The following NIBAN3 variants were observed in gnomAD, a reference collection of about 807,000 sequenced individuals.
The protein encoded by NIBAN3 is niban apoptosis regulator 3.
In NIBAN3, 66 loss-of-function variants were observed where a neutral mutation model predicts 76.4. The observed-to-expected ratio is 0.86, with a 90% CI of 0.71 to 1.06. The LOEUF is 1.06. NIBAN3 is among the 50% of genes least tolerant of loss of function. The pLI is 0.00. For missense variants in NIBAN3, 808 were observed against 810.7 expected (o/e 1.00, Z 0.04); for synonymous variants, 360 against 355.2 (o/e 1.01, Z -0.15).
chr19:17,538,730 GCAAGAAAGAAAGAA>G (rs1568451391), intron 5 of NIBAN3, among the ~76,000 whole-genome samples: 8 of 62,534 alleles, frequency 1.3e-4, no homozygotes, highest in Non-Finnish European at 2.1e-4. Flanking sequence ...AAGAAAGAAA[GCAAGAAAGAAAGAA>G]AGAGAAAGAA....
At chr19:17,525,490 G>C (rs994883099), upstream of NIBAN3, among the ~76,000 whole-genome samples, 7 of 152,214 alleles carry the variant, frequency 4.6e-5, no homozygotes, top group Admixed American at 3.3e-4. Context: ...GGGACATAAA[G>C]GTCGCGCCCA....
chr19:17,527,659 G>A (rs900832932), intron 1 of NIBAN3, among the ~76,000 whole-genome samples: 8 of 151,700 alleles, frequency 5.3e-5, no homozygotes, highest in African/African-American at 1.7e-4. Context: ...CAATTCTCCC[G>A]CCTTAACCTC....
Position 17,542,283 on chromosome 19 carries a change from C to T in NIBAN3, c.1318C>T (p.Leu440Phe). The T allele has an allele frequency of 6.2e-7, 1 of 1,609,604 alleles. No individual in the cohort carries two copies. The highest frequency in any genetic ancestry group is 2.2e-5 in the East Asian group (1 of 44,876). Residue 440 changes from leucine (L) to phenylalanine (F), a missense_variant, in exon 10 of 15, where the codon CTT becomes TTT. By Grantham distance (22) the Leu-to-Phe change is conservative. Coordinates refer to ENST00000599164, the MANE Select transcript of NIBAN3 (RefSeq NM_001321827.2). This position sits in a 1 kb window ranked among gnomAD's most constrained non-coding sequence, Gnocchi z 4.8. ...GAGCCTCGTGTTTGGGGCCCAAGAT[C>T]TTGCACAGCAGGTGAGGGTGAGAGG... ...MQSLVFGAQD[L>F]AQQLMADAVA... is the part of the protein sequence containing the mutation.
At chr19:17,526,317 A>G (rs149156383), upstream of NIBAN3, among the ~76,000 whole-genome samples, 402 of 148,858 alleles carry the variant, frequency 2.7e-3, no homozygotes, top group Non-Finnish European at 3.6e-3. Context: ...TGTCCCAAAG[A>G]AAAAAAAAAG....
At chr19:17,549,940 C>T in intron 14 of NIBAN3, 1 of 356,572 alleles carries the variant, frequency 2.8e-6, no homozygotes, top group East Asian at 4.4e-5. Context: ...CCTCAGCCTC[C>T]CGAGTAGCTG....
chr19:17,550,274 T>A (rs2076133640), intron 14 of NIBAN3, among the ~76,000 whole-genome samples: 1 of 152,168 alleles, frequency 6.6e-6, no homozygotes, highest in Admixed American at 6.6e-5. Context: ...ATAATTTTTT[T>A]ATGCAGCAAT....
At chr19:17,555,322 G>A (rs1412749763), downstream of NIBAN3, among the ~76,000 whole-genome samples, 1 of 152,126 alleles carries the variant, frequency 6.6e-6, no homozygotes, top group Non-Finnish European at 1.5e-5. Context: ...TCCCAAACCA[G>A]GTCCTAAGTA....
At chr19:17,549,830 T>TTC in intron 14 of NIBAN3, 1 of 545,358 alleles carries the variant, frequency 1.8e-6, no homozygotes, top group East Asian at 2.9e-5. Context: ...CTCTCTCTTT[T>TTC]TTTTTTTTTT....
rs199825910 is a variant in NIBAN3 at position 17,543,266 on chromosome 19, C to T, written c.1330-51C>T. ...GGGTCAGCTGGGCAGGAGTGGGGCC[C>T]GGGAGGCTGGAGCACAGATTCTGGG... On this transcript the variant is annotated intron_variant, in intron 10 of 14. Transcript: ENST00000599164. 4.2e-4 allele frequency: 556 copies of T among 1,318,328 alleles called. 1 individual carries two copies. Among genetic ancestry groups the T allele is most frequent in the Admixed American group, 5.7e-4 (26 of 45,744 alleles). The allele number at this position is 1,318,328 out of a possible 1,614,324, so 81.7% of individuals were successfully genotyped here.
chr19:17,523,580 A>G, upstream of NIBAN3: 3 of 758,582 alleles, frequency 4.0e-6, no homozygotes, highest in Non-Finnish European at 6.5e-6. Flanking sequence ...TTGAGCTGCC[A>G]GCACAGGGAC....
chr19:17,548,614 G>T (rs1163428508), intron 13 of NIBAN3, among the ~76,000 whole-genome samples: 2 of 152,068 alleles, frequency 1.3e-5, no homozygotes, highest in African/African-American at 4.8e-5. Flanking sequence ...GAAGGAAAGA[G>T]GAAGAACAGA....
chr19:17,542,217 T>C lies in NIBAN3; in HGVS notation c.1252T>C (p.Leu418=). 6.2e-7 allele frequency: 1 copy of C among 1,614,082 alleles called. No individual in the cohort carries two copies. Among genetic ancestry groups the C allele is most frequent in the Non-Finnish European group, 8.5e-7 (1 of 1,179,990 alleles). ...TGAGGCCGAGCGGAGCCGGGGGCGC[T>C]TGGGGCAGCTGGCAGCACCGTTTGG... ...YREAERSRGR[L]GQLAAPFGFL... is the part of the protein sequence containing the mutation. Residue 418 remains leucine (L), a synonymous_variant, in exon 10 of 15, where the codon TTG becomes CTG. Transcript: ENST00000599164. The surrounding 1 kb of genome is among the most constrained non-coding windows in gnomAD (Gnocchi z 4.8).
At position 17,527,315 on chromosome 19, in the gene NIBAN3, G is replaced by GAGGAGCC; in HGVS notation, c.-25_-19dup. The GAGGAGCC allele has an allele frequency of 1.9e-6, 3 of 1,550,550 alleles. No individual in the cohort carries two copies. Among genetic ancestry groups the GAGGAGCC allele is most frequent in the East Asian group, 4.9e-5 (2 of 40,912 alleles). Reference sequence around the variant, plus strand: ...CAGGCGGTGGTCGTGGGGAAGGGAAGAGGAGCCCCGGGAGACGACAGCAGC... The same window carrying GAGGAGCC: ...CAGGCGGTGGTCGTGGGGAAGGGAAGAGGAGCCAGGAGCCCCGGGAGACGACAGCAGC... On this transcript the variant is annotated 5_prime_UTR_variant, in exon 1 of 15. Transcript: ENST00000599164.
In NIBAN3 at chr19:17,542,143, C is replaced by A. The variant is rs1354641404; in HGVS notation, c.1178C>A (p.Ser393Ter). The change falls in exon 10 of 15, where the codon TCA (serine) becomes TAA (stop). Residue 393 changes from serine to a stop codon, truncating the protein, a stop_gained. Coordinates refer to ENST00000599164, the MANE Select transcript of NIBAN3 (RefSeq NM_001321827.2). LOFTEE classifies it high-confidence loss of function. The surrounding 1 kb of genome is among the most constrained non-coding windows in gnomAD (Gnocchi z 4.8). ...SGTRLRREVY[S>*]FGEMPWDLAL... The stretch of plus-strand genomic sequence containing the variant: ...CTGCTTCCGGGAGCACAGGTTTACT[C>A]ATTTGGGGAGATGCCGTGGGACTTG... 3 of 1,614,134 alleles carry A rather than the reference C, an allele frequency of 1.9e-6. No individual in the cohort carries two copies. The highest frequency in any genetic ancestry group is 1.7e-6 in the Non-Finnish European group (2 of 1,180,036).
rs190304450 is a variant in NIBAN3, at chr19:17,531,589, A to G, written c.187-674A>G. On this transcript the variant is annotated intron_variant, in intron 2 of 14. Coordinates refer to ENST00000599164, the MANE Select transcript of NIBAN3 (RefSeq NM_001321827.2). Reference sequence around the variant, plus strand: ...TGCTCTCTTGCCCAGGCTGTAGTTCAGTGGCGCAATCTTAGCTCACTGCCA... The same window carrying G: ...TGCTCTCTTGCCCAGGCTGTAGTTCGGTGGCGCAATCTTAGCTCACTGCCA... Among the ~76,000 whole-genome samples the G allele has an allele frequency of 4.1e-3, 619 of 152,240 alleles. 2 individuals carry two copies. The highest frequency in any genetic ancestry group is 6.3e-3 in the Non-Finnish European group (426 of 67,976).
upstream of NIBAN3, among the ~76,000 whole-genome samples, chr19:17,524,679 G>C (rs987328525): frequency 1.3e-5 from 2 of 152,226 alleles, no homozygotes; most frequent in Admixed American, 6.5e-5. Flanking sequence ...CAAAACAGAG[G>C]TTTAGCTCTT....
Position 17,542,770 on chromosome 19 carries a change from G to A in NIBAN3, c.1329+476G>A, listed in dbSNP as rs958097687. 6.6e-6 allele frequency among the ~76,000 whole-genome samples: 1 copy of A among 152,152 alleles called. No homozygotes were observed. Among genetic ancestry groups the A allele is most frequent in the Non-Finnish European group, 1.5e-5 (1 of 68,030 alleles). On this transcript the variant is annotated intron_variant, in intron 10 of 14. Coordinates refer to ENST00000599164, the MANE Select transcript of NIBAN3 (RefSeq NM_001321827.2). The surrounding 1 kb of genome is among the most constrained non-coding windows in gnomAD (Gnocchi z 4.8). ...GAGCCAGAGCAGGTATGTGAGCAGGGGGAGGGCATGGCTGGATTTAAGGTT... is the reference window on the plus strand; with the variant it reads ...GAGCCAGAGCAGGTATGTGAGCAGGAGGAGGGCATGGCTGGATTTAAGGTT...
At chr19:17,529,722 G>A (rs550292120) in intron 1 of NIBAN3, among the ~76,000 whole-genome samples, 114 of 152,296 alleles carry the variant, frequency 7.5e-4, no homozygotes, top group African/African-American at 2.5e-3. Flanking sequence ...AGGGTTTCAC[G>A]GATGTGTGAT....
At position 17,527,340 on chromosome 19, in the gene NIBAN3, C is replaced by T. The variant is rs2075622626; in HGVS notation, c.-1C>T. Reference sequence around the variant, plus strand: ...GAGGAGCCCCGGGAGACGACAGCAGCATGGGTGGGCGGCCTTCGAGCCCTC... The same window carrying T: ...GAGGAGCCCCGGGAGACGACAGCAGTATGGGTGGGCGGCCTTCGAGCCCTC... On this transcript the variant is annotated 5_prime_UTR_variant, in exon 1 of 15. Coordinates refer to ENST00000599164, the MANE Select transcript of NIBAN3 (RefSeq NM_001321827.2). 2.6e-6 allele frequency: 4 copies of T among 1,549,812 alleles called. No homozygotes were observed. Among genetic ancestry groups the T allele is most frequent in the Non-Finnish European group, 3.5e-6 (4 of 1,146,610 alleles).
Sources: allele counts gnomAD v4.1 joint callset (sites outside exome capture counted in the v4.1 genomes callset), GRCh38; gene constraint gnomAD v4.1.1; non-coding constraint Gnocchi (gnomAD v3.1); transcripts MANE v1.5; gene names NCBI Gene and HGNC (gene_info 2026-07-23, HGNC 2026-07-21).